Variants in TMEM50A observed in about 807,000 individuals in gnomAD.
TMEM50A encodes transmembrane protein 50A.
A neutral mutation model predicts 23.9 loss-of-function variants in TMEM50A; 8 were observed. The ratio of observed to expected loss-of-function variants is 0.33; its 90% CI spans 0.20 to 0.60. TMEM50A has a LOEUF of 0.60. TMEM50A is among the 20% of genes least tolerant of loss of function. The probability of loss-of-function intolerance (pLI) is 0.81; values close to 1 mark genes in which losing one functional copy is unlikely to be tolerated. For missense variants in TMEM50A, 178 were observed against 192.7 expected (o/e 0.92, Z 0.45); for synonymous variants, 55 against 60.4 (o/e 0.91, Z 0.41).
chr1:25,360,037 T>C (rs1053325334), intron 6 of TMEM50A, among the ~76,000 whole-genome samples: 6 of 152,080 alleles, frequency 3.9e-5, no homozygotes, highest in African/African-American at 1.4e-4. Flanking sequence ...AAACAGTTTG[T>C]TGAATGAATT....
chr1:25,356,030 A>T (rs1389206090), intron 5 of TMEM50A, among the ~76,000 whole-genome samples: 1 of 151,962 alleles, frequency 6.6e-6, no homozygotes, highest in African/African-American at 2.4e-5. Context: ...CATTGCTACC[A>T]CCCTGGTTCA....
rs1386382953 is a variant in TMEM50A, at chr1:25,353,076, A to G, written c.367+102A>G. On this transcript the variant is annotated intron_variant, in intron 5 of 6. Coordinates refer to ENST00000374358, the MANE Select transcript of TMEM50A (RefSeq NM_014313.4). ...AAATTTTTTTCCTATAGTTGGGCCAACTACTAGCGATGCATTTATATCCGG... is the reference window on the plus strand; with the variant it reads ...AAATTTTTTTCCTATAGTTGGGCCAGCTACTAGCGATGCATTTATATCCGG... The G allele has an allele frequency of 5.4e-5, 51 of 937,100 alleles. 1 individual carries two copies. The highest frequency in any genetic ancestry group is 7.5e-5 in the Non-Finnish European group (47 of 624,188). The allele number at this position is 937,100 out of a possible 1,614,324, so 58.0% of individuals were successfully genotyped here.
Position 25,342,942 on chromosome 1 carries a change from G to A in TMEM50A, c.94-19G>A. 1 of 1,596,226 alleles carries A rather than the reference G, an allele frequency of 6.3e-7. No homozygotes were observed. Among genetic ancestry groups the A allele is most frequent in the Non-Finnish European group, 8.6e-7 (1 of 1,167,124 alleles). On this transcript the variant is annotated intron_variant, in intron 2 of 6. Transcript: ENST00000374358. ...TACAGAATTGCTATGATTTCTCATTGGTATCACCTTTGTTTTAGTTTTTTA... is the reference window on the plus strand; with the variant it reads ...TACAGAATTGCTATGATTTCTCATTAGTATCACCTTTGTTTTAGTTTTTTA...
intron 4 of TMEM50A, among the ~76,000 whole-genome samples, chr1:25,352,649 A>G (rs1255369711): frequency 6.6e-6 from 1 of 152,156 alleles, no homozygotes; most frequent in East Asian, 1.9e-4. Flanking sequence ...AAGTAAGTAT[A>G]TGCACTTATA....
Position 25,360,643 on chromosome 1 carries a change from T to C in TMEM50A, c.429-17T>C. 1.9e-6 allele frequency: 3 copies of C among 1,613,966 alleles called. No homozygotes were observed. Among genetic ancestry groups the C allele is most frequent in the Non-Finnish European group, 2.5e-6 (3 of 1,179,898 alleles). On this transcript the variant is annotated splice_polypyrimidine_tract_variant and intron_variant, in intron 6 of 6. Transcript: ENST00000374358. The stretch of plus-strand genomic sequence containing the variant: ...CAAATTCAGGGAGTCATGTGATATT[T>C]CTTGTTTTATTCACAGAGGGCTGGT...
intron 1 of TMEM50A, among the ~76,000 whole-genome samples, chr1:25,339,730 T>C (rs865831823): frequency 1.3e-5 from 2 of 152,200 alleles, no homozygotes; most frequent in African/African-American, 2.4e-5. Context: ...AAGTTTGGAA[T>C]CAAAATGATA....
intron 6 of TMEM50A, 57 bp from the exon 7 acceptor site, chr1:25,360,603 C>T: frequency 6.3e-7 from 1 of 1,589,114 alleles, no homozygotes; most frequent in Non-Finnish European, 8.6e-7. Flanking sequence ...CTCGAAATCT[C>T]ACATACTCTT....
intron 2 of TMEM50A, among the ~76,000 whole-genome samples, chr1:25,341,419 C>T (rs1376546170): frequency 1.3e-5 from 2 of 152,108 alleles, no homozygotes; most frequent in East Asian, 1.9e-4. Context: ...CCACTGCGCC[C>T]GGCTAATTTT....
Position 25,340,544 on chromosome 1 carries a change from C to T in TMEM50A, c.58C>T (p.Arg20Cys). 1.2e-6 allele frequency: 2 copies of T among 1,613,714 alleles called. No individual in the cohort carries two copies. The highest frequency in any genetic ancestry group is 1.1e-5 in the South Asian group (1 of 90,998). The part of the protein sequence containing the change: ...CSECIDWGEK[R>C]NTIASIAAGV... Reference sequence around the variant, plus strand: ...AGAATGCATTGACTGGGGGGAAAAGCGCAATACTATTGCTTCCATTGCTGC... The same window carrying T: ...AGAATGCATTGACTGGGGGGAAAAGTGCAATACTATTGCTTCCATTGCTGC... Residue 20 changes from arginine (R) to cysteine (C), a missense_variant, in exon 2 of 7, where the codon CGC (arginine) becomes TGC (cysteine). Physicochemically the swap from Arg to Cys is radical, Grantham distance 180 (BLOSUM62 -3). Transcript: ENST00000374358.
chr1:25,354,283 C>T (rs952399602), intron 5 of TMEM50A, among the ~76,000 whole-genome samples: 12 of 152,168 alleles, frequency 7.9e-5, no homozygotes, highest in Admixed American at 4.6e-4. Flanking sequence ...AACCACTAGG[C>T]CTAGCCATGT....
chr1:25,355,341 T>G (rs3093627), intron 5 of TMEM50A, among the ~76,000 whole-genome samples: 4 of 152,206 alleles, frequency 2.6e-5, no homozygotes, highest in African/African-American at 9.6e-5. Flanking sequence ...AAAAATTACC[T>G]TGTTATCATG....
Position 25,356,793 on chromosome 1 carries a change from A to G in TMEM50A, c.368A>G (p.Glu123Gly). The G allele has an allele frequency of 2.5e-6, 4 of 1,579,684 alleles. No individual in the cohort carries two copies. The highest frequency in any genetic ancestry group is 3.4e-6 in the Non-Finnish European group (4 of 1,169,112). The change falls in exon 6 of 7, where the codon GAA becomes GGA. Residue 123 changes from glutamate (E) to glycine (G), a missense_variant and splice_region_variant. Glu to Gly is a moderately conservative substitution (Grantham distance 98). Transcript: ENST00000374358. ...CTAAACACTGCAATTATTTTTACAG[A>G]AAAAGACATAGTATACCCTGGAATT... The part of the protein sequence containing the change: ...WILFGGYVAK[E>G]KDIVYPGIAV...
Position 25,348,378 on chromosome 1 carries a change from A to G in TMEM50A, c.207-3248A>G, listed in dbSNP as rs144128235. Among the ~76,000 whole-genome samples, 385 of 152,254 alleles carry G rather than the reference A, an allele frequency of 2.5e-3. 2 individuals are homozygous for G. Among genetic ancestry groups the G allele is most frequent in the African/African-American group, 8.8e-3 (364 of 41,542 alleles). On this transcript the variant is annotated intron_variant, in intron 3 of 6. Coordinates refer to ENST00000374358, the MANE Select transcript of TMEM50A (RefSeq NM_014313.4). ...ATAAATGTTCTGTGTATTACTCTGT[A>G]TTTTTTAATTTTAAAAATGTAGGGT...
rs769062914 is a variant in TMEM50A, at chr1:25,361,859, G to GT, written c.*1160dup. 108 of 157,004 alleles carry GT rather than the reference G, an allele frequency of 6.9e-4. No individual in the cohort carries two copies. Among genetic ancestry groups the GT allele is most frequent in the Non-Finnish European group, 1.3e-3 (90 of 70,922 alleles). The allele number at this position is 157,004 out of a possible 1,614,324, so 9.7% of individuals were successfully genotyped here. A position where few individuals can be genotyped will look rare whatever the true frequency, so the allele number is the denominator to read the frequency against. On this transcript the variant is annotated 3_prime_UTR_variant, in exon 7 of 7. Coordinates refer to ENST00000374358, the MANE Select transcript of TMEM50A (RefSeq NM_014313.4). The stretch of plus-strand genomic sequence containing the variant: ...CTGTCATCCCACATGAACTCCTGAT[G>GT]TTTTTTCTACAAAAGTCCATAAAAT...
At chr1:25,340,674 T>C in intron 2 of TMEM50A, 95 bp downstream of exon 2, 1 of 881,062 alleles carries the variant, frequency 1.1e-6, no homozygotes, top group Non-Finnish European at 1.7e-6. Context: ...GTACTATTTA[T>C]TTTATCTTTG....
chr1:25,349,560 T>TA (rs1226614012), intron 3 of TMEM50A, among the ~76,000 whole-genome samples: 1 of 152,232 alleles, frequency 6.6e-6, no homozygotes, highest in Non-Finnish European at 1.5e-5. Context: ...TTCTGAAACT[T>TA]AGATTTGTAT....
At chr1:25,360,571 T>C in intron 6 of TMEM50A, 89 bp from the exon 7 acceptor site, 1 of 1,432,126 alleles carries the variant, frequency 7.0e-7, no homozygotes, top group Middle Eastern at 2.1e-4. Context: ...CAATTATTCT[T>C]CGTTGTTTGT....
chr1:25,339,426 G>T (rs2124229055), intron 1 of TMEM50A, among the ~76,000 whole-genome samples: 1 of 152,322 alleles, frequency 6.6e-6, no homozygotes, highest in East Asian at 1.9e-4. Flanking sequence ...TAGGATCAGA[G>T]ATAGGGATAT....
intron 6 of TMEM50A, among the ~76,000 whole-genome samples, chr1:25,357,954 T>A (rs2124264389): frequency 7.0e-6 from 1 of 142,056 alleles, no homozygotes; most frequent in South Asian, 2.3e-4. Context: ...GGAGTTCTTT[T>A]TTTTTTTTTT....
Sources: allele counts gnomAD v4.1 joint callset (sites outside exome capture counted in the v4.1 genomes callset), GRCh38; gene constraint gnomAD v4.1.1; transcripts MANE v1.5; gene names NCBI Gene and HGNC (gene_info 2026-07-23, HGNC 2026-07-21).